Variants in TENM2 observed in about 807,000 individuals in gnomAD.
The protein encoded by TENM2 is teneurin transmembrane protein 2, also known as teneurin-2.
In TENM2, 52 loss-of-function variants were observed where a neutral mutation model predicts 245.2. The observed-to-expected ratio is 0.21, with a 90% CI of 0.17 to 0.27. The LOEUF is 0.27. TENM2 is among the 10% of genes least tolerant of loss of function. The pLI, the probability that TENM2 is intolerant of heterozygous loss-of-function variation, is 1.00. For missense variants in TENM2, 3,046 were observed against 3,666.8 expected, an observed-to-expected ratio of 0.83 and a Z score of 4.37; for synonymous variants, 1,363 against 1,438.9, an observed-to-expected ratio of 0.95 and a Z score of 1.19.
chr5:167,225,160 A>T, the TENM2 span, among the ~76,000 whole-genome samples: 1 of 151,626 alleles, frequency 6.6e-6, no homozygotes, highest in Non-Finnish European at 1.5e-5. Flanking sequence ...GGGACAACAT[A>T]TTTTCCAATT....
chr5:168,071,125 C>T (rs1212580364), intron 7 of TENM2, among the ~76,000 whole-genome samples: 1 of 152,146 alleles, frequency 6.6e-6, no homozygotes, highest in Non-Finnish European at 1.5e-5. Flanking sequence ...AGCTGTATGA[C>T]CTTGGGCAAG....
chr5:167,136,618 T>G, the TENM2 span, among the ~76,000 whole-genome samples: 1 of 152,178 alleles, frequency 6.6e-6, no homozygotes, highest in Non-Finnish European at 1.5e-5. Flanking sequence ...ATTTCTATAT[T>G]GCTTTTCTCA....
intron 12 of TENM2, chr5:168,130,085 A>G (rs1019069750): frequency 1.3e-5 from 2 of 152,206 alleles, no homozygotes; most frequent in African/African-American, 4.8e-5. Context: ...TTACTGTACT[A>G]AAAGGATCAA....
the TENM2 span, among the ~76,000 whole-genome samples, chr5:167,077,504 G>A: frequency 4.6e-5 from 7 of 152,090 alleles, no homozygotes; most frequent in Admixed American, 2.0e-4. Context: ...CTAATCCACT[G>A]TTTGCACTTT....
chr5:168,023,545 G>A (rs767248511), intron 5 of TENM2, among the ~76,000 whole-genome samples: 1 of 152,190 alleles, frequency 6.6e-6, no homozygotes, highest in Non-Finnish European at 1.5e-5. Flanking sequence ...CATGGCCGGG[G>A]TCCAGGGGGA....
At chr5:167,785,123 G>C (rs1444562710) in intron 2 of TENM2, among the ~76,000 whole-genome samples, 2 of 152,144 alleles carry the variant, frequency 1.3e-5, no homozygotes, top group Non-Finnish European at 2.9e-5. Context: ...CTACTACACA[G>C]TCTGCCAAGG....
chr5:167,968,100 A>C (rs889068703), intron 4 of TENM2, among the ~76,000 whole-genome samples: 6 of 152,158 alleles, frequency 3.9e-5, no homozygotes, highest in African/African-American at 1.4e-4. Flanking sequence ...CAGACTTGCA[A>C]ACCGTCACGA....
intron 2 of TENM2, among the ~76,000 whole-genome samples, chr5:167,488,417 A>G (rs753879110): frequency 6.6e-6 from 1 of 152,116 alleles, no homozygotes; most frequent in Non-Finnish European, 1.5e-5. Flanking sequence ...GCTAAATCCA[A>G]TTGCCTATTC....
chr5:167,001,076 T>C, the TENM2 span, among the ~76,000 whole-genome samples: 1 of 152,154 alleles, frequency 6.6e-6, no homozygotes, highest in African/African-American at 2.4e-5. Context: ...GAGTTAGGAA[T>C]ATAGGCTAGT....
intron 2 of TENM2, among the ~76,000 whole-genome samples, chr5:167,388,900 T>A (rs1482935686): frequency 6.6e-6 from 1 of 152,012 alleles, no homozygotes; most frequent in Non-Finnish European, 1.5e-5. Context: ...TCTAACTTTT[T>A]AAAGATGAGT....
intron 2 of TENM2, among the ~76,000 whole-genome samples, chr5:167,805,186 G>C (rs916552658): frequency 6.6e-6 from 1 of 152,102 alleles, no homozygotes; most frequent in African/African-American, 2.4e-5. Flanking sequence ...TAACTCCTTG[G>C]TGTAGCACTC....
chr5:167,905,088 A>G (rs1208137765), intron 3 of TENM2, among the ~76,000 whole-genome samples: 1 of 152,158 alleles, frequency 6.6e-6, no homozygotes, highest in Admixed American at 6.6e-5. Context: ...TCCAAAAATG[A>G]TCTCACGGTT....
chr5:167,343,118 G>T (rs1286961284), intron 1 of TENM2, among the ~76,000 whole-genome samples: 1 of 152,036 alleles, frequency 6.6e-6, no homozygotes, highest in Non-Finnish European at 1.5e-5. Context: ...TTCCAGCTTT[G>T]GTTCCTGGGA....
At chr5:167,810,889 G>C (rs1358519834) in intron 2 of TENM2, among the ~76,000 whole-genome samples, 12 of 152,158 alleles carry the variant, frequency 7.9e-5, no homozygotes, top group Admixed American at 7.2e-4. Context: ...AGTTTCATTA[G>C]AGTAATGGAA....
intron 17 of TENM2, among the ~76,000 whole-genome samples, chr5:168,201,765 C>T (rs1005900786): frequency 2.0e-5 from 3 of 152,084 alleles, no homozygotes; most frequent in African/African-American, 7.2e-5. Flanking sequence ...AAAGTTCTTT[C>T]ATCTTTCCTT....
intron 21 of TENM2, among the ~76,000 whole-genome samples, 187 bp from the exon 24 acceptor site, chr5:168,216,581 C>T (rs1763217600): frequency 1.3e-5 from 2 of 152,138 alleles, no homozygotes; most frequent in African/African-American, 4.8e-5. Flanking sequence ...ATACAAATCC[C>T]AGCACAGTGC....
intron 2 of TENM2, among the ~76,000 whole-genome samples, chr5:167,650,041 C>A (rs1363573905): frequency 6.6e-6 from 1 of 152,192 alleles, no homozygotes; most frequent in Non-Finnish European, 1.5e-5. Context: ...GGAAGATAGA[C>A]AGCCTGTACC....
intron 2 of TENM2, among the ~76,000 whole-genome samples, chr5:167,415,043 CT>C (rs151176008): frequency 0.024 from 3,723 of 152,206 alleles, 133 homozygotes; most frequent in African/African-American, 0.084. Flanking sequence ...AGTTGGTTCT[CT>C]TTCCTCACAA....
At chr5:167,630,141 T>A (rs918519527) in intron 2 of TENM2, among the ~76,000 whole-genome samples, 7 of 152,170 alleles carry the variant, frequency 4.6e-5, no homozygotes, top group African/African-American at 1.4e-4. Context: ...CATCCTTTTT[T>A]TTTTTTCCGT....
Sources: gnomAD v4.1 joint callset for allele counts (sites outside exome capture counted in the v4.1 genomes callset) on GRCh38, gnomAD v4.1.1 for gene constraint, MANE v1.5 for transcripts, NCBI Gene and HGNC (gene_info 2026-07-23, HGNC 2026-07-21) for gene names.